The following SLIT1 variants were observed in gnomAD, a reference collection of about 807,000 sequenced individuals.
SLIT1 encodes the protein slit homolog 1 protein.
Under a neutral mutation model 186.1 loss-of-function variants are expected in SLIT1, and 66 were observed. The ratio of observed to expected loss-of-function variants is 0.35; its 90% CI spans 0.29 to 0.44. The LOEUF (loss-of-function observed/expected upper bound fraction) is 0.44, where lower values mean the gene tolerates loss of function less well. SLIT1 is among the 20% of genes least tolerant of loss of function. The pLI, the probability that SLIT1 is intolerant of heterozygous loss-of-function variation, is 1.00. For missense variants in SLIT1, 1,638 were observed against 2,037.4 expected, an observed-to-expected ratio of 0.80 and a Z score of 3.77; for synonymous variants, 761 against 833.8, an observed-to-expected ratio of 0.91 and a Z score of 1.50.
At chr10:97,185,416 A>C in intron 1 of SLIT1, 62 bp downstream of exon 1, 1 of 1,526,774 alleles carries the variant, frequency 6.5e-7, no homozygotes, top group Non-Finnish European at 8.9e-7. Flanking sequence ...CAAGTCCGGA[A>C]TTGCGTCTGG....
intron 4 of SLIT1, among the ~76,000 whole-genome samples, chr10:97,066,628 G>A (rs1210030622): frequency 6.6e-6 from 1 of 152,164 alleles, no homozygotes; most frequent in African/African-American, 2.4e-5. Flanking sequence ...CCCACGTGAA[G>A]TGCCTGCTCC....
intron 1 of SLIT1, among the ~76,000 whole-genome samples, chr10:97,183,395 G>A (rs373020745): frequency 7.7e-4 from 117 of 152,254 alleles, no homozygotes; most frequent in African/African-American, 2.6e-3. Flanking sequence ...CTCGTTTAGC[G>A]AGCATCAGAA....
At chr10:97,136,624 C>T (rs373954003) in intron 4 of SLIT1, among the ~76,000 whole-genome samples, 8 of 152,170 alleles carry the variant, frequency 5.3e-5, no homozygotes, top group Non-Finnish European at 7.3e-5. Flanking sequence ...CTCTGCCCGG[C>T]GTTTTATAGA....
chr10:97,125,378 A>G (rs1337598073), intron 4 of SLIT1, among the ~76,000 whole-genome samples: 2 of 152,102 alleles, frequency 1.3e-5, no homozygotes, highest in Admixed American at 1.3e-4. Flanking sequence ...TGTACAAAAA[A>G]TACAAAAATT....
intron 7 of SLIT1, 133 bp downstream of exon 7, chr10:97,064,035 G>C: frequency 1.4e-6 from 1 of 737,706 alleles, no homozygotes; most frequent in Non-Finnish European, 2.4e-6. Context: ...CCCCCAGCCT[G>C]GGCTGGCCTC....
In SLIT1 at chr10:97,164,800, G is replaced by T. The variant is rs748174358; in HGVS notation, c.269+19C>A. 6.3e-7 allele frequency: 1 copy of T among 1,584,448 alleles called. No individual in the cohort carries two copies. The highest frequency in any genetic ancestry group is 1.1e-5 in the South Asian group (1 of 90,506). ...TGGCATTGCCAGGGGTGGGGTGGGA[G>T]GGAGCACCCCATACTCACAGCACCC... On this transcript the variant is annotated intron_variant, in intron 2 of 36. Transcript: ENST00000266058.
intron 4 of SLIT1, among the ~76,000 whole-genome samples, chr10:97,119,913 GTATATATATATATATATATA>G (rs55656011): frequency 3.4e-4 from 19 of 56,520 alleles, no homozygotes; most frequent in East Asian, 1.6e-3. Context: ...TTCCAAAGGG[GTATATATATATATATATATA>G]TATATATATA....
At position 97,022,947 on chromosome 10, in the gene SLIT1, A is replaced by G. The variant is rs1441347461; in HGVS notation, c.2583-1534T>C. Among the ~76,000 whole-genome samples, 1 of 152,164 alleles carries G rather than the reference A, an allele frequency of 6.6e-6. No homozygotes were observed. The highest frequency in any genetic ancestry group is 2.4e-5 in the African/African-American group (1 of 41,440). On this transcript the variant is annotated intron_variant, in intron 25 of 36. Transcript: ENST00000266058. This position sits in a 1 kb window ranked among gnomAD's most constrained non-coding sequence, Gnocchi z 4.2. ...ATAAGCATCTATCTCATTGTGTCCA[A>G]CTGTTCCGCAATATCCCAGAGTGGA...
At position 97,043,345 on chromosome 10, in the gene SLIT1, C is replaced by T. The variant is rs752140056; in HGVS notation, c.1997+25G>A. On this transcript the variant is annotated intron_variant, in intron 19 of 36. Transcript: ENST00000266058. This position sits in a 1 kb window ranked among gnomAD's most constrained non-coding sequence, Gnocchi z 7.0. ...GGACGGTTGCTCCAGAGCCCCCGCC[C>T]GCCTGTCCTGGAGGCCGGACTCACA... 34 of 1,612,422 alleles carry T rather than the reference C, an allele frequency of 2.1e-5. No individual in the cohort carries two copies. The highest frequency in any genetic ancestry group is 2.4e-5 in the Non-Finnish European group (28 of 1,179,764).
chr10:97,095,598 C>T (rs777468459), intron 4 of SLIT1, among the ~76,000 whole-genome samples: 5 of 152,212 alleles, frequency 3.3e-5, no homozygotes, highest in Non-Finnish European at 7.3e-5. Flanking sequence ...CCAGATATAC[C>T]GATTGGTCCC....
rs1003601055 is a variant in SLIT1 at position 97,022,548 on chromosome 10, C to T, written c.2583-1135G>A. Among the ~76,000 whole-genome samples, 12 of 152,148 alleles carry T rather than the reference C, an allele frequency of 7.9e-5. No individual in the cohort carries two copies. Among genetic ancestry groups the T allele is most frequent in the Non-Finnish European group, 1.8e-4 (12 of 68,026 alleles). On this transcript the variant is annotated intron_variant, in intron 25 of 36. Transcript: ENST00000266058. This position sits in a 1 kb window ranked among gnomAD's most constrained non-coding sequence, Gnocchi z 4.2. ...GCGCCTGTGGAGGGGAATTGTGTGA[C>T]ACTTATCATATGACTTATGCAATTG...
chr10:97,086,880 G>C (rs1240279621), intron 4 of SLIT1, among the ~76,000 whole-genome samples: 1 of 152,118 alleles, frequency 6.6e-6, no homozygotes, highest in Non-Finnish European at 1.5e-5. Flanking sequence ...AACACCAAGA[G>C]TGAACCCTAC....
In SLIT1 at chr10:96,999,933, A is replaced by AGATT. The variant is rs1554843589; in HGVS notation, c.*1178_*1179insAATC. On this transcript the variant is annotated 3_prime_UTR_variant, in exon 37 of 37. Transcript: ENST00000266058. Reference sequence around the variant, plus strand: ...TACTTTTGATGTGATCAATGTAGATAGATAGATAGATAGATAGGTCTTCTA... The same window carrying AGATT: ...TACTTTTGATGTGATCAATGTAGATAGATTGATAGATAGATAGATAGGTCTTCTA... 1.3e-5 allele frequency: 2 copies of AGATT among 151,900 alleles called. No homozygotes were observed. The highest frequency in any genetic ancestry group is 3.9e-4 in the East Asian group (2 of 5,178). 9.4% of individuals were successfully genotyped at this position (151,900 alleles called of 1,614,324 possible).
intron 13 of SLIT1, among the ~76,000 whole-genome samples, chr10:97,054,090 G>T (rs769075649): frequency 1.1e-4 from 16 of 151,838 alleles, no homozygotes; most frequent in Non-Finnish European, 1.8e-4. Flanking sequence ...ACCAACAACC[G>T]CTCGGCTTCT....
intron 25 of SLIT1, among the ~76,000 whole-genome samples, chr10:97,029,303 T>A (rs1279381376): frequency 6.6e-6 from 1 of 152,226 alleles, no homozygotes; most frequent in Non-Finnish European, 1.5e-5. Context: ...AGGTGAGTCT[T>A]AGAGAAAATC....
intron 4 of SLIT1, among the ~76,000 whole-genome samples, chr10:97,122,555 ATGTGAGTGTG>A (rs1379672856): frequency 2.0e-5 from 3 of 152,070 alleles, no homozygotes; most frequent in Non-Finnish European, 4.4e-5. Context: ...GATGATGTGT[ATGTGAGTGTG>A]TGTGAGTGTG....
Position 97,057,301 on chromosome 10 carries a change from G to A in SLIT1, c.1086-20C>T. 4.3e-6 allele frequency: 7 copies of A among 1,611,430 alleles called. No homozygotes were observed. Among genetic ancestry groups the A allele is most frequent in the Non-Finnish European group, 5.1e-6 (6 of 1,178,268 alleles). ...AGGACCCTGGAGAAAAGGCAGCAGA[G>A]AGGAGGGTTAGAGGACAGCCCACCA... On this transcript the variant is annotated intron_variant, in intron 11 of 36. Coordinates refer to ENST00000266058, the MANE Select transcript of SLIT1 (RefSeq NM_003061.3).
At position 97,184,458 on chromosome 10, in the gene SLIT1, A is replaced by C. The variant is rs1050637758; in HGVS notation, c.197+1020T>G. On this transcript the variant is annotated intron_variant, in intron 1 of 36. Coordinates refer to ENST00000266058, the MANE Select transcript of SLIT1 (RefSeq NM_003061.3). This position sits in a 1 kb window ranked among gnomAD's most constrained non-coding sequence, Gnocchi z 4.4. ...TACACACACACAGCCCATTACGGGG[A>C]CTCTCATGGCCTCACGCTATTAAGG... Among the ~76,000 whole-genome samples, 1 of 152,010 alleles carries C rather than the reference A, an allele frequency of 6.6e-6. No individual in the cohort carries two copies. The highest frequency in any genetic ancestry group is 2.4e-5 in the African/African-American group (1 of 41,364).
intron 4 of SLIT1, among the ~76,000 whole-genome samples, chr10:97,123,755 AC>A (rs1487950057): frequency 6.7e-6 from 1 of 149,796 alleles, no homozygotes; most frequent in African/African-American, 2.5e-5. Context: ...GCATCACTGC[AC>A]TCCAGCCTAG....
Sources: allele counts gnomAD v4.1 joint callset (sites outside exome capture counted in the v4.1 genomes callset), GRCh38; gene constraint gnomAD v4.1.1; non-coding constraint Gnocchi (gnomAD v3.1); transcripts MANE v1.5; gene names NCBI Gene and HGNC (gene_info 2026-07-23, HGNC 2026-07-21).